Variants in GRIPAP1 observed in about 807,000 individuals in gnomAD.
GRIPAP1 encodes GRIP1-associated protein 1.
A neutral mutation model predicts 84.1 loss-of-function variants in GRIPAP1; 14 were observed. The ratio of observed to expected loss-of-function variants is 0.17; its 90% confidence interval spans 0.11 to 0.26. The LOEUF (loss-of-function observed/expected upper bound fraction) is 0.26, where lower values mean the gene tolerates loss of function less well. Among genes scored for constraint, GRIPAP1 ranks in the 10% least tolerant of loss-of-function variants. The probability of loss-of-function intolerance (pLI) is 1.00; values close to 1 mark genes in which losing one functional copy is unlikely to be tolerated. For missense variants in GRIPAP1, 518 were observed against 674.2 expected (o/e 0.77, Z 2.57); for synonymous variants, 261 against 256.8 (o/e 1.02, Z -0.15).
At chrX:48,982,149 T>A (rs1331080281) in intron 17 of GRIPAP1, among the ~76,000 whole-genome samples, 2 of 112,419 alleles carry the variant, frequency 1.8e-5, no homozygotes, top group Non-Finnish European at 3.8e-5. Context: ...TATTAACTCA[T>A]TTTCTATAAT....
intron 14 of GRIPAP1, among the ~76,000 whole-genome samples, chrX:48,984,286 AG>A: frequency 9.0e-6 from 1 of 111,231 alleles, no homozygotes; most frequent in Non-Finnish European, 1.9e-5. Context: ...TTGGATGCCA[AG>A]ATAAAAGTCT....
intron 21 of GRIPAP1, among the ~76,000 whole-genome samples, chrX:48,979,045 AG>A (rs2147732863): frequency 9.0e-6 from 1 of 110,980 alleles, no homozygotes; most frequent in East Asian, 2.8e-4. Context: ...ACTTGGACAC[AG>A]GGTTCAGAGA....
chrX:48,980,225 T>TTGTGTG (rs781796368), intron 21 of GRIPAP1, among the ~76,000 whole-genome samples: 158 of 90,571 alleles, frequency 1.7e-3, no homozygotes, highest in African/African-American at 5.8e-3. Context: ...GCAACTAAAG[T>TTGTGTG]TGTGTGTGTG....
chrX:48,985,106 G>T (rs782492173), intron 14 of GRIPAP1, among the ~76,000 whole-genome samples, 162 bp downstream of exon 14: 1 of 111,874 alleles, frequency 8.9e-6, no homozygotes, highest in Admixed American at 9.5e-5. Context: ...TTTCAGAGAA[G>T]TGAAATGACT....
intron 25 of GRIPAP1, among the ~76,000 whole-genome samples, chrX:48,974,686 C>T (rs891065997): frequency 8.9e-6 from 1 of 111,755 alleles, no homozygotes; most frequent in Non-Finnish European, 1.9e-5. Context: ...TGTGTGGACC[C>T]ATGGGCATGG....
rs782603802 is a variant in GRIPAP1, at chrX:48,999,265, C to A, written c.144G>T (p.Leu48Phe). 8.3e-7 allele frequency: 1 copy of A among 1,208,855 alleles called. No homozygotes were observed. The highest frequency in any genetic ancestry group is 1.1e-6 in the Non-Finnish European group (1 of 893,130). Reference protein sequence around the residue: ...LTSLRQKVAYLDKEFSKAQKA... With the variant: ...LTSLRQKVAYFDKEFSKAQKA... ...TCTGAGCTTTGCTGAACTCCTTATC[C>A]AAGTAGGCGACCTTCTGTCGAAGAC... Residue 48 changes from leucine (L) to phenylalanine (F), a missense_variant, in exon 3 of 26, where the codon TTG becomes TTT. By Grantham distance (22) the Leu-to-Phe change is conservative. This residue lies in a region of GRIPAP1 where 372 missense variants were observed against 458.1 expected (regional missense o/e 0.81). Transcript: ENST00000376423.
chrX:48,989,482 G>T, intron 11 of GRIPAP1, 129 bp downstream of exon 11: 1 of 458,884 alleles, frequency 2.2e-6, no homozygotes, highest in Non-Finnish European at 3.8e-6. Flanking sequence ...TAGCTCCTGG[G>T]GGGCCCCAGA....
intron 5 of GRIPAP1, among the ~76,000 whole-genome samples, chrX:48,994,913 G>A (rs2064539454): frequency 9.0e-6 from 1 of 111,629 alleles, no homozygotes; most frequent in Non-Finnish European, 1.9e-5. Context: ...ACAGGACTTG[G>A]CACACAGTAA....
At chrX:48,982,135 C>T (rs1304237403) in intron 17 of GRIPAP1, among the ~76,000 whole-genome samples, 2 of 112,301 alleles carry the variant, frequency 1.8e-5, no homozygotes, top group Non-Finnish European at 3.8e-5. Context: ...AAGGGTTTTA[C>T]ATATATTAAC....
chrX:48,999,740 C>T (rs2064567142), intron 1 of GRIPAP1, among the ~76,000 whole-genome samples: 1 of 110,940 alleles, frequency 9.0e-6, no homozygotes, highest in Non-Finnish European at 1.9e-5. Context: ...TCTCACACTA[C>T]AATCCACGCT....
Position 48,985,275 on chromosome X carries a change from T to A in GRIPAP1, c.1169A>T (p.Gln390Leu), listed in dbSNP as rs1569519632. 5.0e-6 allele frequency: 6 copies of A among 1,208,943 alleles called. No individual in the cohort carries two copies. Among genetic ancestry groups the A allele is most frequent in the Non-Finnish European group, 5.6e-6 (5 of 893,249 alleles). The change falls in exon 14 of 26, where the codon CAG (glutamine) becomes CTG (leucine). Residue 390 changes from glutamine to leucine, a missense_variant. Physicochemically the swap from Gln to Leu is moderately radical, Grantham distance 113 (BLOSUM62 -2). This residue lies in a region of GRIPAP1 where 372 missense variants were observed against 458.1 expected (regional missense o/e 0.81). Coordinates refer to ENST00000376423, the MANE Select transcript of GRIPAP1 (RefSeq NM_020137.5). ...CAGAGCCAAAGGTGTTACCTGGAGC[T>A]GGGAGTTGAGGTCATCTTTCTGTCC... ...LMGQKDDLNS[Q>L]LQESLRANSR...
intron 5 of GRIPAP1, among the ~76,000 whole-genome samples, chrX:48,996,990 T>C (rs1028048062): frequency 3.6e-5 from 4 of 111,519 alleles, no homozygotes; most frequent in Non-Finnish European, 7.5e-5. Context: ...ATTATACACA[T>C]GGAGACTTGA....
At chrX:48,982,913 T>C in intron 17 of GRIPAP1, 66 bp downstream of exon 17, 1 of 716,091 alleles carries the variant, frequency 1.4e-6, no homozygotes, top group Non-Finnish European at 2.2e-6. Context: ...TGACCACTCC[T>C]GCTTCTGTGG....
At position 48,987,259 on chromosome X, in the gene GRIPAP1, C is replaced by T. The variant is rs1227763850; in HGVS notation, c.1041+526G>A. ...CGCCTCCTGGGTTCAAGAGATTCTC[C>T]TGTCTCAGCCTCCCGAGTAGCTGGG... On this transcript the variant is annotated intron_variant, in intron 13 of 25. Coordinates refer to ENST00000376423, the MANE Select transcript of GRIPAP1 (RefSeq NM_020137.5). Among the ~76,000 whole-genome samples the T allele has an allele frequency of 2.9e-5, 3 of 103,517 alleles. No homozygotes were observed. In the Admixed American group the frequency reaches 3.2e-4, roughly 11 times the overall value. 89.9% of individuals were successfully genotyped at this position (103,517 alleles called of 115,157 possible).
chrX:48,979,425 C>T (rs1244351716), intron 21 of GRIPAP1, among the ~76,000 whole-genome samples: 1 of 74,229 alleles, frequency 1.3e-5, no homozygotes, highest in African/African-American at 5.4e-5. Context: ...TGCAGTGAGC[C>T]GAGATCGCGC....
At position 48,983,022 on chromosome X, in the gene GRIPAP1, T is replaced by C. The variant is rs1557062643; in HGVS notation, c.1556A>G (p.Asp519Gly). The stretch of plus-strand genomic sequence containing the variant: ...CCGTTCAAACCAGCCCTTGGCTCCA[T>C]CCATGGAATGTACCTGAGCTTGAAG... ...EELQAQVHSMDGAKGWFERRL... is the reference protein window; with the variant it reads ...EELQAQVHSMGGAKGWFERRL... The change falls in exon 17 of 26, where the codon GAT becomes GGT. Residue 519 changes from aspartate (D) to glycine (G), a missense_variant. Transcript: ENST00000376423. 10 of 1,208,753 alleles carry C rather than the reference T, an allele frequency of 8.3e-6. No individual in the cohort carries two copies. Among genetic ancestry groups the C allele is most frequent in the Non-Finnish European group, 1.0e-5 (9 of 892,414 alleles).
At position 48,985,322 on chromosome X, in the gene GRIPAP1, C is replaced by G. The variant is rs1557063440; in HGVS notation, c.1122G>C (p.Gln374His). ...GTCCCATAAGGTCCTCGTACTCAGC[C>G]TGCTGCTGCTGCAACTCAGCTGCCA... The part of the protein sequence containing the change: ...TGLAAELQQQ[Q>H]AEYEDLMGQK... The change falls in exon 14 of 26, where the codon CAG becomes CAC. Residue 374 changes from glutamine to histidine, a missense_variant. Physicochemically the swap from Gln to His is conservative, Grantham distance 24. This residue lies in a region of GRIPAP1 where 372 missense variants were observed against 458.1 expected (regional missense o/e 0.81). Coordinates refer to ENST00000376423, the MANE Select transcript of GRIPAP1 (RefSeq NM_020137.5). 1 of 1,192,330 alleles carries G rather than the reference C, an allele frequency of 8.4e-7. No individual in the cohort carries two copies. The highest frequency in any genetic ancestry group is 1.1e-6 in the Non-Finnish European group (1 of 878,489).
At chrX:48,997,842 G>A (rs2064555973) in intron 4 of GRIPAP1, 2 of 354,599 alleles carry the variant, frequency 5.6e-6, no homozygotes, top group Admixed American at 1.1e-4. Flanking sequence ...AGAAATCACC[G>A]AGACAGGAAC....
intron 1 of GRIPAP1, chrX:49,000,779 GGTTCCTTCCCATTAAGGAACTTACT>G (rs782406572): frequency 9.1e-6 from 1 of 110,191 alleles, no homozygotes; most frequent in African/African-American, 3.3e-5. Context: ...CAGCAAGGCC[GGTTCCTTCCCATTAAGGAACTTACT>G]GTTCCTTCCC....
Sources: gnomAD v4.1 joint callset for allele counts (sites outside exome capture counted in the v4.1 genomes callset) on GRCh38, gnomAD v4.1.1 for gene constraint, gnomAD v4.1.1 regional missense constraint, MANE v1.5 for transcripts, NCBI Gene and HGNC (gene_info 2026-07-23, HGNC 2026-07-21) for gene names.